The following SBF1 variants were observed in gnomAD, a reference collection of about 807,000 sequenced individuals.
SBF1 encodes the protein myotubularin-related protein 5.
A neutral mutation model predicts 215.8 loss-of-function variants in SBF1; 65 were observed. That is an observed-to-expected ratio of 0.30 (90% CI 0.25 to 0.37). The LOEUF (loss-of-function observed/expected upper bound fraction) is 0.37. Among genes scored for constraint, SBF1 ranks in the 10% least tolerant of loss-of-function variants. SBF1 has a pLI of 1.00. For missense variants in SBF1, 2,634 were observed against 2,667.8 expected (o/e 0.99, Z 0.28); for synonymous variants, 1,410 against 1,122.8 (o/e 1.26, Z -5.11).
chr22:50,467,116 C>G, intron 5 of SBF1: 1 of 596,944 alleles, frequency 1.7e-6, no homozygotes, highest in Non-Finnish European at 3.0e-6. Context: ...CACACACCAT[C>G]AAAGGAGTGG....
chr22:50,461,990 C>T lies in SBF1; in HGVS notation c.2526G>A (p.Gly842=). The change falls in exon 20 of 41, where the codon GGG becomes GGA. Residue 842 remains glycine, a synonymous_variant. Coordinates refer to ENST00000380817, the MANE Select transcript of SBF1 (RefSeq NM_002972.4). ...RFVDKVCTES[G]VTSDHLKGLH... is the part of the protein sequence containing the mutation. Reference sequence around the variant, plus strand: ...GCCCCTTGAGGTGGTCGCTGGTGACCCCACTCTCCGTGCAGACCTTGTCCA... The same window carrying T: ...GCCCCTTGAGGTGGTCGCTGGTGACTCCACTCTCCGTGCAGACCTTGTCCA... 1 of 1,614,234 alleles carries T rather than the reference C, an allele frequency of 6.2e-7. No homozygotes were observed. The highest frequency in any genetic ancestry group is 8.5e-7 in the Non-Finnish European group (1 of 1,180,048).
rs114752799 is a variant in SBF1, at chr22:50,471,333, G to A, written c.56-2872C>T. Among the ~76,000 whole-genome samples, 1,105 of 152,330 alleles carry A rather than the reference G, an allele frequency of 7.3e-3. 20 individuals carry two copies. Among genetic ancestry groups the A allele is most frequent in the African/African-American group, 0.025 (1,033 of 41,572 alleles). On this transcript the variant is annotated intron_variant, in intron 1 of 40. Coordinates refer to ENST00000380817, the MANE Select transcript of SBF1 (RefSeq NM_002972.4). The stretch of plus-strand genomic sequence containing the variant: ...CACGCAGACGGCAGGCCTGAAAGGC[G>A]GGCGGGCGGGCAGGCGAACACAGAC...
chr22:50,457,686 G>A (rs1210444060), intron 28 of SBF1, among the ~76,000 whole-genome samples: 1 of 152,242 alleles, frequency 6.6e-6, no homozygotes, highest in Non-Finnish European at 1.5e-5. Context: ...CCCAGGCTGA[G>A]GTTTACGGTC....
At chr22:50,461,066 A>C in intron 23 of SBF1, 93 bp downstream of exon 23, 1 of 1,468,808 alleles carries the variant, frequency 6.8e-7, no homozygotes, top group Non-Finnish European at 9.1e-7. Flanking sequence ...ACTGCTGGAG[A>C]CTGGCCTAAA....
At chr22:50,458,304 C>CAAAA (rs35742256) in intron 28 of SBF1, among the ~76,000 whole-genome samples, 1 of 82,644 alleles carries the variant, frequency 1.2e-5, no homozygotes, top group Non-Finnish European at 2.1e-5. Context: ...GACTCCGACT[C>CAAAA]AAAAAAAAAA....
At chr22:50,451,524 G>A (rs77003593) in intron 36 of SBF1, among the ~76,000 whole-genome samples, 10 of 152,276 alleles carry the variant, frequency 6.6e-5, no homozygotes, top group Admixed American at 1.3e-4. Flanking sequence ...CAGAAGGAAA[G>A]GGAGAGATCA....
rs767535412 is a variant in SBF1 at position 50,448,371 on chromosome 22, C to A, written c.5225G>T (p.Gly1742Val). 6.2e-7 allele frequency: 1 copy of A among 1,613,930 alleles called. No homozygotes were observed. Among genetic ancestry groups the A allele is most frequent in the Non-Finnish European group, 8.5e-7 (1 of 1,180,038 alleles). ...GAGGCTCAGGGTGGAGCCCACGGGC[C>A]CCTCCTGCAGGTACACACCCAGCGA... Reference protein sequence around the residue: ...RRSLGVYLQEGPVGSTLSLSL... With the variant: ...RRSLGVYLQEVPVGSTLSLSL... The change falls in exon 38 of 41, where the codon GGG (glycine) becomes GTG (valine). Residue 1742 changes from glycine (G) to valine (V), a missense_variant. By Grantham distance (109) the Gly-to-Val change is moderately radical (BLOSUM62 -3). Transcript: ENST00000380817.
intron 38 of SBF1, among the ~76,000 whole-genome samples, 176 bp from the exon 39 acceptor site, chr22:50,447,785 G>A (rs1475878332): frequency 6.6e-6 from 1 of 152,226 alleles, no homozygotes; most frequent in African/African-American, 2.4e-5. Context: ...GCCTTTGATG[G>A]GGGGCTGCAG....
intron 1 of SBF1, 93 bp downstream of exon 1, chr22:50,474,693 C>T (rs2068115091): frequency 8.9e-7 from 1 of 1,128,154 alleles, no homozygotes; most frequent in Non-Finnish European, 1.2e-6. Context: ...CCCTCGGCCC[C>T]CAGCCCCCGG....
Position 50,466,588 on chromosome 22 carries a change from G to C in SBF1, c.655+17C>G. 1 of 1,542,738 alleles carries C rather than the reference G, an allele frequency of 6.5e-7. No homozygotes were observed. Among genetic ancestry groups the C allele is most frequent in the Non-Finnish European group, 8.8e-7 (1 of 1,141,260 alleles). Reference sequence around the variant, plus strand: ...CCCCGAGGGGAAGCCATGCGGGGGTGGGACAGACAGGCTCACCTAGCTGGC... The same window carrying C: ...CCCCGAGGGGAAGCCATGCGGGGGTCGGACAGACAGGCTCACCTAGCTGGC... On this transcript the variant is annotated intron_variant, in intron 6 of 40. Transcript: ENST00000380817.
rs1161737105 is a variant in SBF1, at chr22:50,474,858, G to A, written c.-18C>T. 4.4e-6 allele frequency: 6 copies of A among 1,379,022 alleles called. No individual in the cohort carries two copies. The African/African-American group carries it at 4.6e-5, about 11-fold the overall frequency. 85.4% of individuals were successfully genotyped at this position (1,379,022 alleles called of 1,614,324 possible). ...CGCGCCATGGCGAGGGACGCGGGGC[G>A]GCCCGAGGGGCGCGGGCGGGCTCCG... On this transcript the variant is annotated 5_prime_UTR_variant, in exon 1 of 41. Coordinates refer to ENST00000380817, the MANE Select transcript of SBF1 (RefSeq NM_002972.4).
intron 2 of SBF1, among the ~76,000 whole-genome samples, 194 bp from the exon 3 acceptor site, chr22:50,468,117 C>T (rs986080463): frequency 1.3e-5 from 2 of 152,222 alleles, no homozygotes; most frequent in African/African-American, 4.8e-5. Flanking sequence ...CCTCTGACCT[C>T]CCCACCTGGG....
In SBF1 at chr22:50,446,593, C is replaced by T. The variant is rs1179307549; in HGVS notation, c.*549G>A. On this transcript the variant is annotated 3_prime_UTR_variant, in exon 41 of 41. Transcript: ENST00000380817. ...GCCCTGAGGCGTGGAGGGAATCAAG[C>T]AAGTCCCCAGTGAAGCCTCCTGCTC... 1.2e-5 allele frequency: 4 copies of T among 339,798 alleles called. No individual in the cohort carries two copies. Among genetic ancestry groups the T allele is most frequent in the African/African-American group, 8.6e-5 (4 of 46,454 alleles). The allele number at this position is 339,798 out of a possible 1,614,324, so 21.0% of individuals were successfully genotyped here.
Position 50,459,618 on chromosome 22 carries a change from C to T in SBF1, c.3540G>A (p.Leu1180=). Residue 1180 remains leucine, a synonymous_variant, in exon 27 of 41, where the codon CTG becomes CTA. Coordinates refer to ENST00000380817, the MANE Select transcript of SBF1 (RefSeq NM_002972.4). ...IVPQSVQDNA[L]QRVSRCYRQN... ...GGCGGTAGCAGCGGGACACGCGCTG[C>T]AGGGCGTTGTCCTGGACACTCTGGG... is the stretch of plus-strand genomic sequence containing the variant. 6.2e-7 allele frequency: 1 copy of T among 1,609,954 alleles called. No homozygotes were observed. The highest frequency in any genetic ancestry group is 8.5e-7 in the Non-Finnish European group (1 of 1,178,916).
intron 2 of SBF1, 152 bp from the exon 3 acceptor site, chr22:50,468,075 G>GCCCA: frequency 1.0e-6 from 1 of 979,672 alleles, no homozygotes; most frequent in Admixed American, 2.4e-5. Context: ...GGCCTCCTGG[G>GCCCA]CCTCAGTCTC....
chr22:50,447,479 A>C (rs772788794), intron 39 of SBF1, 26 bp from the exon 40 acceptor site: 28 of 1,610,230 alleles, frequency 1.7e-5, no homozygotes, highest in Non-Finnish European at 2.3e-5. Flanking sequence ...GAGTCAGCGG[A>C]GCCCCCTCCC....
At chr22:50,464,291 C>G in intron 15 of SBF1, 38 bp downstream of exon 15, 1 of 1,549,242 alleles carries the variant, frequency 6.5e-7, no homozygotes, top group Non-Finnish European at 8.9e-7. Flanking sequence ...CTCTGAAACC[C>G]GCTGCCCTGG....
rs529241361 is a variant in SBF1, at chr22:50,465,659, G to A, written c.1089+104C>T. The A allele has an allele frequency of 7.5e-5, 82 of 1,094,286 alleles. No homozygotes were observed. In the Admixed American group the frequency reaches 1.4e-3, roughly 18 times the overall value. 67.8% of individuals were successfully genotyped at this position (1,094,286 alleles called of 1,614,324 possible). A position where few individuals can be genotyped will look rare whatever the true frequency, so the allele number is the denominator to read the frequency against. On this transcript the variant is annotated intron_variant, in intron 10 of 40. Coordinates refer to ENST00000380817, the MANE Select transcript of SBF1 (RefSeq NM_002972.4). ...GGCTCCTGCTTCTGCTACTGGAGCC[G>A]GGGCCAGCCTGGGGGTGGGGCCCTG... is the stretch of plus-strand genomic sequence containing the variant.
chr22:50,467,023 A>C (rs1202175150), intron 5 of SBF1: 5 of 569,630 alleles, frequency 8.8e-6, no homozygotes, highest in Non-Finnish European at 1.6e-5. Context: ...AGACGGGCAG[A>C]AAGACACGGT....
Sources: allele counts gnomAD v4.1 joint callset (sites outside exome capture counted in the v4.1 genomes callset), GRCh38; gene constraint gnomAD v4.1.1; transcripts MANE v1.5; gene names NCBI Gene and HGNC (gene_info 2026-07-23, HGNC 2026-07-21).